ATP10B: variants seen among roughly 807,000 people sequenced by gnomAD.
ATP10B encodes ATPase phospholipid transporting 10B (putative), also known as phospholipid-transporting ATPase VB.
In ATP10B, 122 loss-of-function variants were observed where a neutral mutation model predicts 141.2. The ratio of observed to expected loss-of-function variants is 0.86; its 90% confidence interval spans 0.75 to 1.00. ATP10B has a LOEUF of 1.00. ATP10B is among the 50% of genes least tolerant of loss of function. The probability of loss-of-function intolerance (pLI) is 0.00; values close to 1 mark genes in which losing one functional copy is unlikely to be tolerated. For missense variants in ATP10B, 1,876 were observed against 1,825.3 expected (o/e 1.03, Z -0.51); for synonymous variants, 685 against 692.0 (o/e 0.99, Z 0.16).
chr5:160,868,501 T>A, the ATP10B span, among the ~76,000 whole-genome samples: 1 of 141,642 alleles, frequency 7.1e-6, no homozygotes, highest in African/African-American at 2.7e-5. Context: ...AGAACCAAAC[T>A]TCTAAGGCAT....
intron 17 of ATP10B, 129 bp from the exon 18 acceptor site, chr5:160,613,054 T>C (rs1757808492): frequency 2.5e-5 from 21 of 857,132 alleles, no homozygotes; most frequent in African/African-American, 3.4e-5. Flanking sequence ...GTACCCAGGA[T>C]ATAACAGTGA....
intron 3 of ATP10B, among the ~76,000 whole-genome samples, chr5:160,690,860 A>G (rs1764033554): frequency 6.6e-6 from 1 of 152,238 alleles, no homozygotes; most frequent in African/African-American, 2.4e-5. Context: ...TACTGGGGAT[A>G]TACCCAAAGG....
chr5:160,882,513 C>T, the ATP10B span, among the ~76,000 whole-genome samples: 1 of 152,000 alleles, frequency 6.6e-6, no homozygotes, highest in African/African-American at 2.4e-5. Flanking sequence ...AACTCCTGGC[C>T]TCAAGTGATC....
At position 160,788,815 on chromosome 5, in the gene ATP10B, A is replaced by G. The variant is rs1347701574; in HGVS notation, c.-575-3012T>C. On this transcript the variant is annotated intron_variant, in intron 1 of 25. Transcript: ENST00000327245. ...TCCCTGTGGAGCTGCCAGAGAACAT[A>G]AGTAAGTTAACTTTCTATCCATCCA... Among the ~76,000 whole-genome samples the G allele has an allele frequency of 2.0e-5, 3 of 151,272 alleles. No individual in the cohort carries two copies. In the East Asian group the frequency reaches 5.8e-4, roughly 29 times the overall value.
At chr5:160,683,441 G>T (rs1181965522) in intron 6 of ATP10B, among the ~76,000 whole-genome samples, 1 of 152,132 alleles carries the variant, frequency 6.6e-6, no homozygotes, top group Non-Finnish European at 1.5e-5. Context: ...GTTTCCCCTG[G>T]CTACAATTTT....
At chr5:160,763,551 A>G (rs548184567) in intron 2 of ATP10B, among the ~76,000 whole-genome samples, 1 of 152,298 alleles carries the variant, frequency 6.6e-6, no homozygotes, top group South Asian at 2.1e-4. Context: ...CCTCTCGGAT[A>G]CAGCAAAAGC....
At chr5:160,864,033 C>A in the ATP10B span, among the ~76,000 whole-genome samples, 1 of 152,010 alleles carries the variant, frequency 6.6e-6, no homozygotes, top group South Asian at 2.1e-4. Context: ...AGAATTGGTG[C>A]CAATCCTACT....
chr5:160,603,863 G>A (rs75808118), intron 20 of ATP10B, 102 bp downstream of exon 20: 17,677 of 934,842 alleles, frequency 0.019, 203 homozygotes, highest in Middle Eastern at 0.04. Context: ...AACTTTGGAT[G>A]TGGGTGGAAG....
chr5:160,790,049 C>T (rs183508482), intron 1 of ATP10B, among the ~76,000 whole-genome samples: 1 of 152,262 alleles, frequency 6.6e-6, no homozygotes, highest in East Asian at 1.9e-4. Context: ...CTACAGTGCA[C>T]AAAGGAGAAA....
At chr5:160,847,092 G>A (rs1049605501) in intron 1 of ATP10B, among the ~76,000 whole-genome samples, 1 of 152,094 alleles carries the variant, frequency 6.6e-6, no homozygotes, top group African/African-American at 2.4e-5. Context: ...TATAGATAAG[G>A]AGACTGGAGC....
rs544075969 is a variant in ATP10B, at chr5:160,701,456, G to A, written c.-204-12513C>T. ...AAGCCTAGCTAATTTATGATTGAGG[G>A]GCTATGTGTGTGCTCCACAGTACTC... On this transcript the variant is annotated intron_variant, in intron 3 of 25. Coordinates refer to ENST00000327245, the MANE Select transcript of ATP10B (RefSeq NM_025153.3). 6.3e-4 allele frequency among the ~76,000 whole-genome samples: 96 copies of A among 152,202 alleles called. 1 individual carries two copies. The highest frequency in any genetic ancestry group is 3.4e-3 in the Middle Eastern group (1 of 294).
the ATP10B span, among the ~76,000 whole-genome samples, chr5:160,928,590 T>A: frequency 2.6e-5 from 4 of 152,140 alleles, no homozygotes; most frequent in Non-Finnish European, 4.4e-5. Flanking sequence ...TAATGATAGA[T>A]AACACCTGCC....
intron 3 of ATP10B, among the ~76,000 whole-genome samples, chr5:160,708,527 T>C (rs1765157356): frequency 6.6e-6 from 1 of 152,202 alleles, no homozygotes. Flanking sequence ...ATATGACATC[T>C]AGGCAGCTTT....
intron 1 of ATP10B, among the ~76,000 whole-genome samples, chr5:160,790,553 C>T (rs997377559): frequency 2.0e-5 from 3 of 152,110 alleles, no homozygotes; most frequent in Non-Finnish European, 4.4e-5. Flanking sequence ...TGCTTTATTC[C>T]TGAGAATTAG....
chr5:160,818,703 T>C (rs190151952), intron 1 of ATP10B, among the ~76,000 whole-genome samples: 50 of 152,326 alleles, frequency 3.3e-4, no homozygotes, highest in African/African-American at 1.2e-3. Flanking sequence ...TACACAAATA[T>C]GTTTATTGTG....
the ATP10B span, among the ~76,000 whole-genome samples, chr5:160,858,285 T>C: frequency 6.6e-6 from 1 of 152,142 alleles, no homozygotes; most frequent in East Asian, 1.9e-4. Flanking sequence ...ATAGGTACTT[T>C]TGTTTTCCTT....
chr5:160,865,003 G>A, the ATP10B span, among the ~76,000 whole-genome samples: 1 of 151,950 alleles, frequency 6.6e-6, no homozygotes, highest in Non-Finnish European at 1.5e-5. Flanking sequence ...ACTGCCAAAA[G>A]CAATCTACAC....
chr5:160,583,130 G>C (rs957172260), intron 24 of ATP10B, among the ~76,000 whole-genome samples: 1 of 152,156 alleles, frequency 6.6e-6, no homozygotes, highest in Non-Finnish European at 1.5e-5. Flanking sequence ...TGCTGGTGAG[G>C]AGTTGTGATC....
Position 160,598,856 on chromosome 5 carries a change from G to A in ATP10B, c.3478C>T (p.Leu1160Phe). Reference protein sequence around the residue: ...FNLFFTSLPPLVFGVLDKDIS... With the variant: ...FNLFFTSLPPFVFGVLDKDIS... ...TCTTTGTCAAGGACTCCAAAGACAA[G>A]AGGAGGCAAGGAGGTAAAGAAGAGA... Residue 1160 changes from leucine to phenylalanine, a missense_variant, in exon 22 of 26, where the codon CTT becomes TTT. Transcript: ENST00000327245. The A allele has an allele frequency of 6.2e-7, 1 of 1,614,224 alleles. No individual in the cohort carries two copies. Among genetic ancestry groups the A allele is most frequent in the Non-Finnish European group, 8.5e-7 (1 of 1,180,020 alleles).
Sources: allele counts gnomAD v4.1 joint callset (sites outside exome capture counted in the v4.1 genomes callset), GRCh38; gene constraint gnomAD v4.1.1; transcripts MANE v1.5; gene names NCBI Gene and HGNC (gene_info 2026-07-23, HGNC 2026-07-21).